Variants in PDZD2 observed in about 807,000 individuals in gnomAD.
The protein encoded by PDZD2 is PDZ domain-containing protein 2.
PDZD2 carries 90 observed loss-of-function variants against 220.7 expected under a neutral mutation model. That is an observed-to-expected ratio of 0.41 (90% CI 0.34 to 0.49). The LOEUF (loss-of-function observed/expected upper bound fraction) is 0.49, where lower values mean the gene tolerates loss of function less well. PDZD2 is among the 20% of genes least tolerant of loss of function. The probability of loss-of-function intolerance (pLI) is 0.28; values close to 1 mark genes in which losing one functional copy is unlikely to be tolerated. For synonymous variants in PDZD2, 1,375 were observed against 1,450.5 expected (o/e 0.95, Z 1.18); for missense variants, 3,174 against 3,608.5 (o/e 0.88, Z 3.08).
intron 1 of PDZD2, among the ~76,000 whole-genome samples, chr5:31,656,538 A>G (rs949510018): frequency 2.0e-5 from 3 of 152,094 alleles, no homozygotes; most frequent in African/African-American, 7.2e-5. Context: ...TGTTTAATGT[A>G]TTGACAGCGT....
In PDZD2 at chr5:32,098,301, TC is replaced by T; in HGVS notation, c.7948-60del. The T allele has an allele frequency of 6.6e-7, 1 of 1,514,544 alleles. No homozygotes were observed. The highest frequency in any genetic ancestry group is 9.0e-7 in the Non-Finnish European group (1 of 1,105,968). 93.8% of individuals were successfully genotyped at this position (1,514,544 alleles called of 1,614,324 possible). A position where few individuals can be genotyped will look rare whatever the true frequency, so the allele number is the denominator to read the frequency against. On this transcript the variant is annotated intron_variant, in intron 22 of 24. Transcript: ENST00000438447. The surrounding 1 kb of genome is among the most constrained non-coding windows in gnomAD (Gnocchi z 4.1). ...TACAGATACGCAGTTAGTTACTATC[TC>T]CCTTTTACCGGAAATCGTAAGTGGA...
At chr5:31,831,152 T>C (rs74743991) in intron 2 of PDZD2, among the ~76,000 whole-genome samples, 1 of 152,290 alleles carries the variant, frequency 6.6e-6, no homozygotes, top group South Asian at 2.1e-4. Flanking sequence ...GCTTGGGAAA[T>C]GTAAAGAGGT....
At chr5:32,048,449 G>A (rs946780062) in intron 7 of PDZD2, 90 bp from the exon 8 acceptor site, 19 of 1,047,400 alleles carry the variant, frequency 1.8e-5, no homozygotes, top group Middle Eastern at 2.1e-4. Flanking sequence ...CATGAAGGTG[G>A]GTGTAAATAC....
chr5:31,949,097 CAA>C (rs34780210), intron 2 of PDZD2, among the ~76,000 whole-genome samples: 6,197 of 54,258 alleles, frequency 0.11, 75 homozygotes, highest in African/African-American at 0.18. Context: ...GACTCTGTCT[CAA>C]AAAAAAAAAA....
chr5:31,667,257 A>AAAAAG (rs1554060941), intron 1 of PDZD2, among the ~76,000 whole-genome samples: 1 of 149,432 alleles, frequency 6.7e-6, no homozygotes, highest in African/African-American at 2.5e-5. Context: ...AAAAAAAAAA[A>AAAAAG]GAGTACCTGC....
In PDZD2 at chr5:31,989,416, CTTTTCTTTTTTT is replaced by C. The variant is rs1751007713; in HGVS notation, c.978+5765_978+5776del. 1.7e-5 allele frequency among the ~76,000 whole-genome samples: 2 copies of C among 120,680 alleles called. 1 individual carries two copies. Among genetic ancestry groups the C allele is most frequent in the African/African-American group, 7.1e-5 (2 of 28,314 alleles). The allele number at this position is 120,680 out of a possible 152,430, so 79.2% of individuals were successfully genotyped here. Reference sequence around the variant, plus strand: ...TATTCTGTGGTATATACCACATTTTCTTTTCTTTTTTTTTTTTTTTTTTTGAGACGAAGTCTC... The same window carrying C: ...TATTCTGTGGTATATACCACATTTTCTTTTTTTTTTTTGAGACGAAGTCTC... On this transcript the variant is annotated intron_variant, in intron 3 of 24. Coordinates refer to ENST00000438447, the MANE Select transcript of PDZD2 (RefSeq NM_178140.4).
rs546710358 is a variant in PDZD2 at position 32,042,349 on chromosome 5, G to A, written c.1519+5007G>A. ...GGCCGAGGCGGGTGGATCACCTGAG[G>A]TCAGGAGTTCGAGACGAGCCTGGTC... is the stretch of plus-strand genomic sequence containing the variant. On this transcript the variant is annotated intron_variant, in intron 7 of 24. Transcript: ENST00000438447. Among the ~76,000 whole-genome samples the A allele has an allele frequency of 3.1e-3, 469 of 150,990 alleles. 3 individuals are homozygous for A. The highest frequency in any genetic ancestry group is 0.024 in the Middle Eastern group (7 of 292).
chr5:31,951,812 C>A (rs1747208406), intron 2 of PDZD2, among the ~76,000 whole-genome samples: 1 of 152,138 alleles, frequency 6.6e-6, no homozygotes, highest in African/African-American at 2.4e-5. Context: ...CACTGCATTC[C>A]AGTCATGCTA....
intron 1 of PDZD2, among the ~76,000 whole-genome samples, chr5:31,768,869 C>T (rs1752182556): frequency 6.6e-6 from 1 of 152,132 alleles, no homozygotes; most frequent in Non-Finnish European, 1.5e-5. Context: ...CAATAGCGCT[C>T]CAACTTCGCT....
At chr5:31,723,378 A>G (rs1386003259) in intron 1 of PDZD2, among the ~76,000 whole-genome samples, 2 of 152,010 alleles carry the variant, frequency 1.3e-5, no homozygotes, top group Non-Finnish European at 2.9e-5. Flanking sequence ...GGACATGTCA[A>G]GTCACTTTTG....
Position 32,088,302 on chromosome 5 carries a change from C to T in PDZD2, c.4854C>T (p.Pro1618=), listed in dbSNP as rs1222858324. ...PNPPSSPAHL[P]TQAAICPASA... ...CACCCTCGAGTCCTGCTCATCTTCCCACCCAGGCTGCCATCTGTCCTGCCT... is the reference window on the plus strand; with the variant it reads ...CACCCTCGAGTCCTGCTCATCTTCCTACCCAGGCTGCCATCTGTCCTGCCT... The change falls in exon 20 of 25, where the codon CCC becomes CCT. Residue 1618 remains proline (P), a synonymous_variant. Transcript: ENST00000438447. The surrounding 1 kb of genome is among the most constrained non-coding windows in gnomAD (Gnocchi z 4.6). The T allele has an allele frequency of 5.0e-6, 8 of 1,613,962 alleles. No homozygotes were observed. The highest frequency in any genetic ancestry group is 2.2e-5 in the East Asian group (1 of 44,878).
At chr5:31,807,197 A>T (rs4867383) in intron 2 of PDZD2, among the ~76,000 whole-genome samples, 21,950 of 152,034 alleles carry the variant, frequency 0.14, 2,376 homozygotes, top group East Asian at 0.55. Flanking sequence ...CAGCCTCCCA[A>T]AGTGCTGGGA....
chr5:31,664,178 G>GT lies in PDZD2; in HGVS notation c.-361+24748dup, dbSNP rs921239440. 3.2e-4 allele frequency among the ~76,000 whole-genome samples: 49 copies of GT among 151,906 alleles called. 1 individual carries two copies. Among genetic ancestry groups the GT allele is most frequent in the African/African-American group, 1.0e-3 (43 of 41,396 alleles). On this transcript the variant is annotated intron_variant, in intron 1 of 24. Transcript: ENST00000438447. ...AAACCTCCAAGTTTTGTTTTGTTTT[G>GT]TTTTTTTGAGATGGGGGTCTTGCTG...
At chr5:32,008,474 T>C (rs7731559) in intron 5 of PDZD2, among the ~76,000 whole-genome samples, 37,719 of 151,738 alleles carry the variant, frequency 0.25, 9,911 homozygotes, top group African/African-American at 0.66. Flanking sequence ...TAGAGACGGA[T>C]GGGGTTTCAC....
chr5:31,700,514 C>T (rs1440333334), intron 1 of PDZD2, among the ~76,000 whole-genome samples: 1 of 152,194 alleles, frequency 6.6e-6, no homozygotes, highest in African/African-American at 2.4e-5. Context: ...TGGCCCCTGT[C>T]TCATCCTTGT....
At position 31,899,358 on chromosome 5, in the gene PDZD2, C is replaced by T. The variant is rs181387628; in HGVS notation, c.477-83797C>T. Among the ~76,000 whole-genome samples the T allele has an allele frequency of 7.2e-3, 1,098 of 152,220 alleles. 12 individuals are homozygous for T. The highest frequency in any genetic ancestry group is 0.025 in the African/African-American group (1,052 of 41,518). Reference sequence around the variant, plus strand: ...ATGTTGACCAGGCTGGTCTCGAACGCCTGACCGCAAGTGATCCGCCCACCT... The same window carrying T: ...ATGTTGACCAGGCTGGTCTCGAACGTCTGACCGCAAGTGATCCGCCCACCT... On this transcript the variant is annotated intron_variant, in intron 2 of 24. Transcript: ENST00000438447.
chr5:31,816,521 G>C (rs550191616), intron 2 of PDZD2, among the ~76,000 whole-genome samples: 3 of 152,130 alleles, frequency 2.0e-5, no homozygotes, highest in Non-Finnish European at 4.4e-5. Context: ...TTTCAAGATG[G>C]ATATTAGGAA....
intron 1 of PDZD2, among the ~76,000 whole-genome samples, chr5:31,734,550 C>G (rs1398151771): frequency 6.6e-6 from 1 of 152,100 alleles, no homozygotes; most frequent in Non-Finnish European, 1.5e-5. Context: ...AACTCGTGAC[C>G]TCAGGTGATC....
intron 2 of PDZD2, among the ~76,000 whole-genome samples, chr5:31,880,802 T>TC (rs1739814638): frequency 7.7e-6 from 1 of 130,356 alleles, no homozygotes; most frequent in Non-Finnish European, 1.6e-5. Context: ...TTTTTTTTTT[T>TC]TTTTTTTTTT....
Sources: gnomAD v4.1 joint callset for allele counts (sites outside exome capture counted in the v4.1 genomes callset) on GRCh38, gnomAD v4.1.1 for gene constraint, Gnocchi (gnomAD v3.1) non-coding constraint, MANE v1.5 for transcripts, NCBI Gene and HGNC (gene_info 2026-07-23, HGNC 2026-07-21) for gene names.